The following PDXDC1 variants were observed in gnomAD, a reference collection of about 807,000 sequenced individuals.
PDXDC1 encodes the protein pyridoxal dependent decarboxylase domain containing 1, also known as pyridoxal-dependent decarboxylase domain-containing protein 1.
PDXDC1 carries 42 observed loss-of-function variants against 100.1 expected under a neutral mutation model. The ratio of observed to expected loss-of-function variants is 0.42; its 90% confidence interval spans 0.33 to 0.54. PDXDC1 has a LOEUF of 0.54. Among genes scored for constraint, PDXDC1 ranks in the 20% least tolerant of loss-of-function variants. The pLI is 0.10. For synonymous variants in PDXDC1, 260 were observed against 371.7 expected (o/e 0.70, Z 3.46); for missense variants, 636 against 979.2 (o/e 0.65, Z 4.68).
intron 16 of PDXDC1, chr16:15,073,097 G>A: frequency 1.2e-6 from 2 of 1,601,430 alleles, no homozygotes; most frequent in Non-Finnish European, 1.7e-6. Flanking sequence ...AGAAAATCTG[G>A]CATCTCAGTT....
chr16:15,072,947 C>T (rs1284539430), intron 16 of PDXDC1: 3 of 1,613,186 alleles, frequency 1.9e-6, no homozygotes, highest in South Asian at 1.1e-5. Context: ...CATTCTTACT[C>T]ACCAATTTGA....
At chr16:15,104,006 T>TA (rs1381497366) in intron 16 of PDXDC1, among the ~76,000 whole-genome samples, 5 of 22,504 alleles carry the variant, frequency 2.2e-4, no homozygotes, top group Admixed American at 1.3e-3. Flanking sequence ...ACAAAAAAGT[T>TA]AAAGGATTTT....
At chr16:15,141,655 C>A (rs1352941956), downstream of PDXDC1, among the ~76,000 whole-genome samples, 1 of 152,220 alleles carries the variant, frequency 6.6e-6, no homozygotes, top group Non-Finnish European at 1.5e-5. Context: ...GTCCCCTCCT[C>A]TACACCAAGG....
intron 16 of PDXDC1, chr16:15,108,037 T>C: frequency 1.2e-6 from 1 of 866,666 alleles, no homozygotes; most frequent in Non-Finnish European, 1.4e-6. Context: ...GAAAAGGCAA[T>C]CTGAATGCTG....
chr16:15,144,974 C>T, the PDXDC1 span, among the ~76,000 whole-genome samples: 5 of 152,264 alleles, frequency 3.3e-5, no homozygotes, highest in African/African-American at 1.2e-4. Context: ...TGACATGGAG[C>T]CAGGCGTTGT....
intron 16 of PDXDC1, among the ~76,000 whole-genome samples, chr16:15,030,406 C>CACCCTGTCCACAGCCCCCACACAG (rs1454234355): frequency 1.6e-3 from 244 of 151,252 alleles, no homozygotes; most frequent in Non-Finnish European, 2.0e-3. Context: ...ATTAGCCAGG[C>CACCCTGTCCACAGCCCCCACACAG]ATGGTGGTAC....
chr16:15,125,160 A>G (rs1337632165), intron 16 of PDXDC1: 10 of 540,694 alleles, frequency 1.8e-5, no homozygotes, highest in Non-Finnish European at 2.8e-5. Context: ...TCAAAAAAAA[A>G]AAAAAAAAAA....
chr16:15,087,964 A>G (rs2045973801), intron 16 of PDXDC1, among the ~76,000 whole-genome samples: 1 of 151,880 alleles, frequency 6.6e-6, no homozygotes, highest in Non-Finnish European at 1.5e-5. Context: ...AAAATACAAA[A>G]TTAGCTGGGC....
chr16:15,093,818 G>A (rs1337449560), intron 16 of PDXDC1: 1 of 406,814 alleles, frequency 2.5e-6, no homozygotes, highest in African/African-American at 2.1e-5. Flanking sequence ...ATAGCCCAGG[G>A]AAATCCCTTC....
downstream of PDXDC1, among the ~76,000 whole-genome samples, chr16:15,142,796 G>A (rs1314322044): frequency 6.6e-6 from 1 of 151,582 alleles, no homozygotes; most frequent in Non-Finnish European, 1.5e-5. Flanking sequence ...CATCGCCGCT[G>A]TCTGATGCCC....
chr16:15,142,749 C>T (rs1303188806), downstream of PDXDC1, among the ~76,000 whole-genome samples: 7 of 152,040 alleles, frequency 4.6e-5, no homozygotes, highest in Admixed American at 3.9e-4. Context: ...CCCCCCACCC[C>T]GCCCCTCGGG....
chr16:15,135,962 G>T, intron 16 of PDXDC1: 2 of 1,575,680 alleles, frequency 1.3e-6, no homozygotes, highest in Non-Finnish European at 1.7e-6. Flanking sequence ...CACACGCGCC[G>T]GGCACCCCGG....
chr16:15,044,420 T>C (rs373389830), intron 16 of PDXDC1: 218 of 1,601,174 alleles, frequency 1.4e-4, no homozygotes, highest in Non-Finnish European at 1.7e-4. Context: ...GGCAAAGAGA[T>C]GAGACGGGTC....
chr16:15,004,475 A>G (rs1973851481), intron 5 of PDXDC1, 142 bp downstream of exon 5: 2 of 993,352 alleles, frequency 2.0e-6, no homozygotes, highest in South Asian at 1.6e-5. Flanking sequence ...CTGTTTCATC[A>G]TCTGTTAGAT....
At chr16:14,985,370 C>G (rs1969113239) in intron 1 of PDXDC1, among the ~76,000 whole-genome samples, 1 of 150,162 alleles carries the variant, frequency 6.7e-6, no homozygotes, top group African/African-American at 2.4e-5. Flanking sequence ...TTACTGCAAG[C>G]TCCGCCTCCC....
At chr16:15,067,202 G>A (rs1258433936) in intron 16 of PDXDC1, among the ~76,000 whole-genome samples, 1 of 152,006 alleles carries the variant, frequency 6.6e-6, no homozygotes, top group African/African-American at 2.4e-5. Context: ...TCAGCAAGCT[G>A]TTGGCTCTTA....
intron 16 of PDXDC1, among the ~76,000 whole-genome samples, chr16:15,081,656 G>A (rs1018281538): frequency 1.3e-5 from 2 of 152,124 alleles, no homozygotes; most frequent in African/African-American, 4.8e-5. Flanking sequence ...GATGTCCTAT[G>A]AAGCATAACA....
chr16:15,077,219 T>A (rs1164003130), intron 16 of PDXDC1, among the ~76,000 whole-genome samples: 15 of 152,034 alleles, frequency 9.9e-5, no homozygotes, highest in African/African-American at 3.6e-4. Flanking sequence ...CCTCAGGTGA[T>A]CCACCGGCCT....
chr16:15,119,725 CTTTT>C (rs1396845192), intron 16 of PDXDC1, among the ~76,000 whole-genome samples: 2 of 125,900 alleles, frequency 1.6e-5, no homozygotes, highest in Admixed American at 8.2e-5. Flanking sequence ...CATTTTTTTT[CTTTT>C]TGTTTGTTGT....
Sources: gnomAD v4.1 joint callset for allele counts (sites outside exome capture counted in the v4.1 genomes callset) on GRCh38, gnomAD v4.1.1 for gene constraint, MANE v1.5 for transcripts, NCBI Gene and HGNC (gene_info 2026-07-23, HGNC 2026-07-21) for gene names.